Variants in DGKD observed in about 807,000 individuals in gnomAD.
DGKD encodes the protein diacylglycerol kinase delta.
Under a neutral mutation model 154.4 loss-of-function variants are expected in DGKD, and 68 were observed. The observed-to-expected ratio is 0.44, with a 90% confidence interval of 0.36 to 0.54. The LOEUF is 0.54. Among genes scored for constraint, DGKD ranks in the 20% least tolerant of loss-of-function variants. The pLI, the probability that DGKD is intolerant of heterozygous loss-of-function variation, is 0.00. For synonymous variants in DGKD, 693 were observed against 638.0 expected (o/e 1.09, Z -1.30); for missense variants, 1,343 against 1,593.6 (o/e 0.84, Z 2.68).
rs765611593 is a variant in DGKD, at chr2:233,462,466, A to C, written c.3093+7A>C. 1.3e-6 allele frequency: 2 copies of C among 1,591,448 alleles called. No homozygotes were observed. The highest frequency in any genetic ancestry group is 1.1e-5 in the South Asian group (1 of 90,494). On this transcript the variant is annotated splice_region_variant and intron_variant, in intron 25 of 29. Coordinates refer to ENST00000264057, the MANE Select transcript of DGKD (RefSeq NM_152879.3). ...CAAGCCCAGAACCACAGAGGTAGCT[A>C]TTCTGGCCTTTTCAGTCCTGGCTTC...
At chr2:233,385,255 G>A (rs2125428829) in intron 1 of DGKD, among the ~76,000 whole-genome samples, 1 of 152,296 alleles carries the variant, frequency 6.6e-6, no homozygotes, top group Middle Eastern at 3.4e-3. Context: ...TCTTGGACCT[G>A]TGGGCTGGGC....
At position 233,388,271 on chromosome 2, in the gene DGKD, G is replaced by C. The variant is rs779656397; in HGVS notation, c.171G>C (p.Glu57Asp). The C allele has an allele frequency of 1.9e-6, 3 of 1,613,490 alleles. No homozygotes were observed. Among genetic ancestry groups the C allele is most frequent in the Non-Finnish European group, 2.5e-6 (3 of 1,179,862 alleles). ...TGTACTTTCAGACCATCATCAAAGA[G>C]GGGATGCTGACCAAACAGAACAATT... is the stretch of plus-strand genomic sequence containing the variant. ...GQIRQKTIIK[E>D]GMLTKQNNSF... Residue 57 changes from glutamate (E) to aspartate (D), a missense_variant, in exon 2 of 30, where the codon GAG (glutamate) becomes GAC (aspartate). By Grantham distance (45) the Glu-to-Asp change is conservative (BLOSUM62 2). Transcript: ENST00000264057.
intron 19 of DGKD, among the ~76,000 whole-genome samples, chr2:233,455,532 A>G (rs1036515953): frequency 2.6e-5 from 4 of 152,242 alleles, no homozygotes; most frequent in African/African-American, 9.6e-5. Context: ...CCCACCCCAC[A>G]GTAATAATCA....
intron 28 of DGKD, among the ~76,000 whole-genome samples, 193 bp downstream of exon 28, chr2:233,467,396 C>T (rs555127943): frequency 2.0e-5 from 3 of 152,254 alleles, no homozygotes; most frequent in South Asian, 4.1e-4. Context: ...CCCCTCTGAC[C>T]GTTGTCACAC....
At chr2:233,376,014 C>T (rs1702557565) in intron 1 of DGKD, among the ~76,000 whole-genome samples, 1 of 152,160 alleles carries the variant, frequency 6.6e-6, no homozygotes, top group Non-Finnish European at 1.5e-5. Flanking sequence ...AGAGTGATTT[C>T]ATTCCACAGC....
intron 17 of DGKD, 116 bp downstream of exon 17, chr2:233,451,166 A>C: frequency 1.3e-5 from 9 of 699,186 alleles, no homozygotes; most frequent in Non-Finnish European, 1.2e-5. Flanking sequence ...TGAGAAAGAT[A>C]GGTGGAATTG....
rs878943775 is a variant in DGKD at position 233,451,014 on chromosome 2, G to C, written c.2131G>C (p.Gly711Arg). Reference sequence around the variant, plus strand: ...TCCGCCCCAGCCGGGAAGCCGGGACGGCCTGCCTGCGCTCAACACCAAGAT... The same window carrying C: ...TCCGCCCCAGCCGGGAAGCCGGGACCGCCTGCCTGCGCTCAACACCAAGAT... ...SLPPQPGSRD[G>R]LPALNTKILY... Residue 711 changes from glycine (G) to arginine (R), a missense_variant, in exon 17 of 30, where the codon GGC becomes CGC. By Grantham distance (125) the Gly-to-Arg change is moderately radical. Transcript: ENST00000264057. The C allele has an allele frequency of 6.2e-7, 1 of 1,612,056 alleles. No individual in the cohort carries two copies. Among genetic ancestry groups the C allele is most frequent in the African/African-American group, 1.3e-5 (1 of 74,914 alleles).
rs759036718 is a variant in DGKD at position 233,434,770 on chromosome 2, C to T, written c.455C>T (p.Pro152Leu). 2 of 1,604,200 alleles carry T rather than the reference C, an allele frequency of 1.2e-6. No individual in the cohort carries two copies. The highest frequency in any genetic ancestry group is 3.5e-5 in the Admixed American group (2 of 57,272). Residue 152 changes from proline to leucine, a missense_variant and splice_region_variant, in exon 5 of 30, where the codon CCC becomes CTC. Pro to Leu is a moderately conservative substitution (Grantham distance 98). Around this residue, in one of 6 missense-constraint regions of DGKD, gnomAD observed 332 missense variants for 400.1 expected, o/e 0.83. Transcript: ENST00000264057. ...KTVQNREHFE[P>L]TQYSMDHFSG... ...GCCCTCTTGGTTTCGTTCTTCCAGC[C>T]CACCCAGTACAGCATGGACCACTTC...
chr2:233,354,749 C>T lies in DGKD; in HGVS notation c.156+75C>T, dbSNP rs1000878053. On this transcript the variant is annotated intron_variant, in intron 1 of 29. Coordinates refer to ENST00000264057, the MANE Select transcript of DGKD (RefSeq NM_152879.3). This position sits in a 1 kb window ranked among gnomAD's most constrained non-coding sequence, Gnocchi z 4.8. ...GCCCCGGCCGAGGCCCGTGGCCCTG[C>T]CCGAGCGGCCGCCCAGGCCCGGCTC... 10 of 894,864 alleles carry T rather than the reference C, an allele frequency of 1.1e-5. No homozygotes were observed. The highest frequency in any genetic ancestry group is 1.3e-5 in the Non-Finnish European group (10 of 750,638). 55.4% of individuals were successfully genotyped at this position (894,864 alleles called of 1,614,324 possible). A position where few individuals can be genotyped will look rare whatever the true frequency, so the allele number is the denominator to read the frequency against.
At chr2:233,418,419 C>T (rs1287134862) in intron 3 of DGKD, among the ~76,000 whole-genome samples, 4 of 152,180 alleles carry the variant, frequency 2.6e-5, no homozygotes, top group African/African-American at 4.8e-5. Flanking sequence ...ATAACTCAAG[C>T]TTAATGAAGT....
chr2:233,434,338 G>C (rs1559542247), intron 3 of DGKD, 42 bp from the exon 4 acceptor site: 1 of 1,515,238 alleles, frequency 6.6e-7, no homozygotes, highest in East Asian at 2.3e-5. Context: ...ATCAGCACTT[G>C]CCTTTTGTTC....
intron 3 of DGKD, among the ~76,000 whole-genome samples, chr2:233,407,200 T>A (rs1004782254): frequency 1.3e-5 from 2 of 152,232 alleles, no homozygotes; most frequent in African/African-American, 4.8e-5. Flanking sequence ...AGTAATAGGG[T>A]TTAACTTGCT....
intron 1 of DGKD, among the ~76,000 whole-genome samples, chr2:233,375,621 T>A (rs1413073420): frequency 6.6e-6 from 1 of 152,122 alleles, no homozygotes; most frequent in African/African-American, 2.4e-5. Flanking sequence ...GTCAGGAAGC[T>A]GGGGAGGCTG....
intron 1 of DGKD, among the ~76,000 whole-genome samples, chr2:233,358,612 CTG>C (rs757513080): frequency 6.6e-6 from 1 of 152,202 alleles, no homozygotes; most frequent in Non-Finnish European, 1.5e-5. Context: ...CTTTCTGTCT[CTG>C]TGTTTGCTGA....
intron 26 of DGKD, chr2:233,463,848 C>A: frequency 2.9e-6 from 1 of 348,834 alleles, no homozygotes. Context: ...CTTCCCACAG[C>A]ATTTCCACTG....
At chr2:233,434,325 G>A in intron 3 of DGKD, 55 bp from the exon 4 acceptor site, 2 of 1,393,998 alleles carry the variant, frequency 1.4e-6, no homozygotes, top group Non-Finnish European at 2.0e-6. Context: ...AGCGTTCATA[G>A]CTATCAGCAC....
intron 3 of DGKD, among the ~76,000 whole-genome samples, chr2:233,400,663 A>T (rs2061537621): frequency 6.6e-6 from 1 of 152,038 alleles, no homozygotes; most frequent in Non-Finnish European, 1.5e-5. Context: ...TGGGTGGTGG[A>T]GTGTGCAGAC....
At position 233,388,342 on chromosome 2, in the gene DGKD, C is replaced by A; in HGVS notation, c.242C>A (p.Thr81Lys). 1 of 1,613,794 alleles carries A rather than the reference C, an allele frequency of 6.2e-7. No individual in the cohort carries two copies. Among genetic ancestry groups the A allele is most frequent in the Non-Finnish European group, 8.5e-7 (1 of 1,179,874 alleles). ...AGATACTTTAAGCTTCGAGGGCGAA[C>A]GCTTTACTATGCCAAAACGGCAAAG... ...KRRYFKLRGRTLYYAKTAKSI... is the reference protein window; with the variant it reads ...KRRYFKLRGRKLYYAKTAKSI... The change falls in exon 2 of 30, where the codon ACG becomes AAG. Residue 81 changes from threonine to lysine, a missense_variant. Physicochemically the swap from Thr to Lys is moderately conservative, Grantham distance 78 (BLOSUM62 -1). Transcript: ENST00000264057.
rs756153562 is a variant in DGKD at position 233,434,409 on chromosome 2, G to C, written c.378G>C (p.Leu126Phe). 2.5e-6 allele frequency: 4 copies of C among 1,614,166 alleles called. No individual in the cohort carries two copies. The highest frequency in any genetic ancestry group is 3.4e-6 in the Non-Finnish European group (4 of 1,180,010). Reference protein sequence around the residue: ...TVITPCRKLILCADNRKEMED... With the variant: ...TVITPCRKLIFCADNRKEMED... ...TAACTCCATGCAGGAAGCTCATCTT[G>C]TGTGCTGATAACAGAAAAGAAATGG... The change falls in exon 4 of 30, where the codon TTG (leucine) becomes TTC (phenylalanine). Residue 126 changes from leucine (L) to phenylalanine (F), a missense_variant. Leu to Phe is a conservative substitution (Grantham distance 22). This residue lies in a region of DGKD where 332 missense variants were observed against 400.1 expected (regional missense o/e 0.83). Transcript: ENST00000264057.
Sources: gnomAD v4.1 joint callset for allele counts (sites outside exome capture counted in the v4.1 genomes callset) on GRCh38, gnomAD v4.1.1 for gene constraint, gnomAD v4.1.1 regional missense constraint, Gnocchi (gnomAD v3.1) non-coding constraint, MANE v1.5 for transcripts, NCBI Gene and HGNC (gene_info 2026-07-23, HGNC 2026-07-21) for gene names.